The following SCAMP1 variants were observed in gnomAD, a reference collection of about 807,000 sequenced individuals.
SCAMP1 encodes the protein secretory carrier-associated membrane protein 1.
In SCAMP1, 15 loss-of-function variants were observed where a neutral mutation model predicts 41.8. The observed-to-expected ratio is 0.36, with a 90% CI of 0.24 to 0.55. The LOEUF is 0.55. SCAMP1 is among the 20% of genes least tolerant of loss of function. SCAMP1 has a pLI of 0.86. For missense variants in SCAMP1, 341 were observed against 412.6 expected (o/e 0.83, Z 1.50); for synonymous variants, 135 against 136.8 (o/e 0.99, Z 0.09).
intron 8 of SCAMP1, among the ~76,000 whole-genome samples, chr5:78,464,579 A>G (rs1054299382): frequency 3.3e-5 from 5 of 152,154 alleles, no homozygotes; most frequent in South Asian, 2.1e-4. Flanking sequence ...TTAACCTTAA[A>G]AAAACCCCAA....
At chr5:78,398,453 C>G (rs563317701) in intron 2 of SCAMP1, among the ~76,000 whole-genome samples, 1 of 138,066 alleles carries the variant, frequency 7.2e-6, no homozygotes, top group South Asian at 2.4e-4. Context: ...TGACCTCAAA[C>G]TCCTGGGCTC....
At chr5:78,465,299 C>T (rs1302979425) in intron 8 of SCAMP1, among the ~76,000 whole-genome samples, 1 of 152,190 alleles carries the variant, frequency 6.6e-6, no homozygotes, top group Non-Finnish European at 1.5e-5. Flanking sequence ...AAGAGTTTTG[C>T]TTTGGAACCA....
At chr5:78,362,772 C>A (rs1002045795) in intron 1 of SCAMP1, among the ~76,000 whole-genome samples, 1 of 151,850 alleles carries the variant, frequency 6.6e-6, no homozygotes, top group Non-Finnish European at 1.5e-5. Flanking sequence ...TATATTTTGT[C>A]TTTTTACTTC....
chr5:78,460,788 C>CTTTCTTTCTTTCTTT (rs1434366301), intron 8 of SCAMP1, among the ~76,000 whole-genome samples: 2 of 33,802 alleles, frequency 5.9e-5, no homozygotes, highest in Non-Finnish European at 1.1e-4. Context: ...TTCCTTCCTT[C>CTTTCTTTCTTTCTTT]CTTCCTTCCT....
At chr5:78,366,182 C>T (rs1347570444) in intron 1 of SCAMP1, among the ~76,000 whole-genome samples, 3 of 142,644 alleles carry the variant, frequency 2.1e-5, no homozygotes, top group South Asian at 2.2e-4. Context: ...CTTGCTCTGT[C>T]GCCCAGGCTG....
chr5:78,409,107 TG>T (rs1332857232), intron 2 of SCAMP1, among the ~76,000 whole-genome samples: 1 of 152,184 alleles, frequency 6.6e-6, no homozygotes, highest in Non-Finnish European at 1.5e-5. Context: ...TTACCATCCT[TG>T]TACCAGCTCC....
chr5:78,446,952 A>G (rs6859161), intron 6 of SCAMP1, among the ~76,000 whole-genome samples: 116,039 of 152,110 alleles, frequency 0.76, 44,914 homozygotes, highest in African/African-American at 0.84. Context: ...GACCTGTTAG[A>G]AACTGGGCCA....
At chr5:78,464,688 G>T (rs1407217192) in intron 8 of SCAMP1, among the ~76,000 whole-genome samples, 1 of 152,132 alleles carries the variant, frequency 6.6e-6, no homozygotes, top group African/African-American at 2.4e-5. Flanking sequence ...CACCAGCATT[G>T]CTAAGGTTGT....
intron 8 of SCAMP1, among the ~76,000 whole-genome samples, chr5:78,474,870 C>T (rs1177853866): frequency 6.6e-6 from 1 of 152,136 alleles, no homozygotes; most frequent in Non-Finnish European, 1.5e-5. Flanking sequence ...GAACCCTACT[C>T]CTGAAAATAA....
In SCAMP1 at chr5:78,387,057, C is replaced by G. The variant is rs1751358826; in HGVS notation, c.58-1780C>G. ...TATTCTTTCAAATATGTTTTCCAAACTTTTAGATTTCTCTTCTTCCTCGAG... is the reference window on the plus strand; with the variant it reads ...TATTCTTTCAAATATGTTTTCCAAAGTTTTAGATTTCTCTTCTTCCTCGAG... On this transcript the variant is annotated intron_variant, in intron 1 of 8. Transcript: ENST00000621999. 2.0e-5 allele frequency among the ~76,000 whole-genome samples: 3 copies of G among 152,152 alleles called. No individual in the cohort carries two copies. The East Asian group carries it at 5.8e-4, about 29-fold the overall frequency.
rs1175311591 is a variant in SCAMP1, at chr5:78,424,964, C to CA, written c.632+3005dup. ...GGTTCTGAGCACATGCAGTAAAACT[C>CA]AGAGCCTCAGTTTGTTAGGTTTAAA... On this transcript the variant is annotated intron_variant, in intron 6 of 8. Coordinates refer to ENST00000621999, the MANE Select transcript of SCAMP1 (RefSeq NM_004866.6). 1.8e-4 allele frequency among the ~76,000 whole-genome samples: 28 copies of CA among 152,290 alleles called. No homozygotes were observed. In the East Asian group the frequency reaches 5.0e-3, roughly 27 times the overall value.
In SCAMP1 at chr5:78,388,850, C is replaced by T. The variant is rs1375109843; in HGVS notation, c.71C>T (p.Thr24Ile). ...ATTTTATTCTAGGATCCATCAGTTACACAAGTGACAAGAAATGTTCCACCA... is the reference window on the plus strand; with the variant it reads ...ATTTTATTCTAGGATCCATCAGTTATACAAGTGACAAGAAATGTTCCACCA... ...LNNPFKDPSV[T>I]QVTRNVPPGL... The change falls in exon 2 of 9, where the codon ACA becomes ATA. Residue 24 changes from threonine to isoleucine, a missense_variant. Physicochemically the swap from Thr to Ile is moderately conservative, Grantham distance 89. Transcript: ENST00000621999. 3 of 1,537,292 alleles carry T rather than the reference C, an allele frequency of 2.0e-6. No homozygotes were observed. Among genetic ancestry groups the T allele is most frequent in the Non-Finnish European group, 2.7e-6 (3 of 1,116,702 alleles).
intron 2 of SCAMP1, among the ~76,000 whole-genome samples, chr5:78,406,188 T>C (rs1343321155): frequency 6.6e-6 from 1 of 152,196 alleles, no homozygotes; most frequent in Non-Finnish European, 1.5e-5. Flanking sequence ...GGGAGTTTGT[T>C]AAAAATGGTA....
At chr5:78,458,151 C>G (rs762145878) in intron 7 of SCAMP1, among the ~76,000 whole-genome samples, 1 of 152,154 alleles carries the variant, frequency 6.6e-6, no homozygotes, top group African/African-American at 2.4e-5. Context: ...TCTTCTGCGT[C>G]GCTCTCGCTG....
At chr5:78,397,831 C>T (rs1751689815) in intron 2 of SCAMP1, among the ~76,000 whole-genome samples, 1 of 152,058 alleles carries the variant, frequency 6.6e-6, no homozygotes, top group African/African-American at 2.4e-5. Context: ...GATAAATGGC[C>T]AATAAGCAGG....
intron 6 of SCAMP1, among the ~76,000 whole-genome samples, chr5:78,439,822 T>G (rs536567054): frequency 1.3e-5 from 2 of 152,336 alleles, no homozygotes; most frequent in Admixed American, 1.3e-4. Context: ...TACAACTTGG[T>G]TCCATTTTCC....
intron 8 of SCAMP1, among the ~76,000 whole-genome samples, chr5:78,470,255 G>A (rs1753855150): frequency 6.6e-6 from 1 of 151,994 alleles, no homozygotes; most frequent in Non-Finnish European, 1.5e-5. Flanking sequence ...TCACAGTGTT[G>A]TACAACCATT....
intron 7 of SCAMP1, among the ~76,000 whole-genome samples, chr5:78,452,185 C>CT (rs201442758): frequency 0.045 from 6,631 of 145,974 alleles, 468 homozygotes; most frequent in African/African-American, 0.15. Context: ...GTTTTCTTTT[C>CT]TTTTTTTTTT....
At chr5:78,464,914 C>A (rs1469307080) in intron 8 of SCAMP1, among the ~76,000 whole-genome samples, 1 of 152,204 alleles carries the variant, frequency 6.6e-6, no homozygotes, top group Admixed American at 6.5e-5. Flanking sequence ...TTCACACTTT[C>A]TATTCTTGTC....
Sources: allele counts gnomAD v4.1 joint callset (sites outside exome capture counted in the v4.1 genomes callset), GRCh38; gene constraint gnomAD v4.1.1; transcripts MANE v1.5; gene names NCBI Gene and HGNC (gene_info 2026-07-23, HGNC 2026-07-21).